PLCXD2: variants seen among roughly 807,000 people sequenced by gnomAD.
PLCXD2 encodes the protein PI-PLC X domain-containing protein 2.
PLCXD2 carries 21 observed loss-of-function variants against 28.6 expected under a neutral mutation model. The observed-to-expected ratio is 0.73, with a 90% CI of 0.52 to 1.06. The LOEUF is 1.06. PLCXD2 is among the 50% of genes least tolerant of loss of function. PLCXD2 has a pLI of 0.00. For synonymous variants in PLCXD2, 140 were observed against 150.1 expected, an observed-to-expected ratio of 0.93 and a Z score of 0.49; for missense variants, 369 against 376.7, an observed-to-expected ratio of 0.98 and a Z score of 0.17.
Position 111,707,994 on chromosome 3 carries a change from A to G in PLCXD2, c.232A>G (p.Ile78Val). ...AGTGGGGCCTGACCAAACCCAAGCT[A>G]TCAAACGCCTCGCCAGGATCTCCTT... The change falls in exon 2 of 5, where the codon ATC becomes GTC. Residue 78 changes from isoleucine (I) to valine (V), a missense_variant. Transcript: ENST00000477665. 6.2e-7 allele frequency: 1 copy of G among 1,614,170 alleles called. No homozygotes were observed. The highest frequency in any genetic ancestry group is 8.5e-7 in the Non-Finnish European group (1 of 1,180,026).
chr3:111,686,273 C>T (rs183413963), intron 1 of PLCXD2, among the ~76,000 whole-genome samples: 8 of 152,294 alleles, frequency 5.3e-5, no homozygotes, highest in African/African-American at 1.2e-4. Flanking sequence ...CAGGCTGTCT[C>T]TCCTCAGACA....
intron 1 of PLCXD2, among the ~76,000 whole-genome samples, chr3:111,695,522 A>G (rs1204231848): frequency 2.6e-5 from 4 of 152,252 alleles, no homozygotes; most frequent in Non-Finnish European, 5.9e-5. Context: ...GTTCCTGGAA[A>G]ACCAACACTG....
intron 2 of PLCXD2, among the ~76,000 whole-genome samples, chr3:111,710,087 C>T (rs1941179645): frequency 6.6e-6 from 1 of 152,158 alleles, no homozygotes; most frequent in Non-Finnish European, 1.5e-5. Context: ...GGATGAGTCC[C>T]AGGCTTGGCC....
chr3:111,707,459 C>A (rs1253967209), intron 1 of PLCXD2, among the ~76,000 whole-genome samples: 1 of 152,176 alleles, frequency 6.6e-6, no homozygotes, highest in Non-Finnish European at 1.5e-5. Context: ...AGTGGATATA[C>A]CACAACAAAG....
intron 2 of PLCXD2, 73 bp downstream of exon 2, chr3:111,708,459 G>A: frequency 1.5e-6 from 2 of 1,372,172 alleles, no homozygotes; most frequent in Non-Finnish European, 2.0e-6. Context: ...ATTGCCGTCT[G>A]TAAAATCACT....
chr3:111,674,868 C>T lies in PLCXD2; in HGVS notation c.-378C>T, dbSNP rs975981524. ...CCGGGCGCGCACCTGTGTATGGACC[C>T]GCAGGCATGTCTGTACACTGGGTGG... On this transcript the variant is annotated 5_prime_UTR_variant, in exon 1 of 5. Transcript: ENST00000477665. The T allele has an allele frequency of 5.2e-6, 1 of 190,730 alleles. No homozygotes were observed. Among genetic ancestry groups the T allele is most frequent in the Admixed American group, 6.0e-5 (1 of 16,706 alleles). The allele number at this position is 190,730 out of a possible 1,614,324, so 11.8% of individuals were successfully genotyped here.
At chr3:111,719,731 C>G (rs759963314) in intron 3 of PLCXD2, among the ~76,000 whole-genome samples, 1 of 152,134 alleles carries the variant, frequency 6.6e-6, no homozygotes, top group Admixed American at 6.5e-5. Flanking sequence ...TAGCTGTTGC[C>G]TCTGGGAGAA....
At chr3:111,691,244 A>T (rs1940872231) in intron 1 of PLCXD2, 1 of 152,266 alleles carries the variant, frequency 6.6e-6, no homozygotes, top group South Asian at 2.1e-4. Context: ...AATGATGAAT[A>T]GTCCTTCATA....
chr3:111,724,179 G>A (rs1394394437), intron 3 of PLCXD2: 1 of 152,170 alleles, frequency 6.6e-6, no homozygotes, highest in Non-Finnish European at 1.5e-5. Context: ...AAGGGAATAA[G>A]TTATTGAACA....
intron 3 of PLCXD2, among the ~76,000 whole-genome samples, chr3:111,719,354 C>A (rs1941315211): frequency 6.6e-6 from 1 of 152,034 alleles, no homozygotes; most frequent in Non-Finnish European, 1.5e-5. Flanking sequence ...TGACAGAAGA[C>A]CAGTATCTAG....
intron 1 of PLCXD2, among the ~76,000 whole-genome samples, chr3:111,697,346 C>T (rs747811171): frequency 6.6e-6 from 1 of 152,014 alleles, no homozygotes; most frequent in Non-Finnish European, 1.5e-5. Flanking sequence ...AAGCAAAAAG[C>T]CTCTGAATAA....
intron 1 of PLCXD2, among the ~76,000 whole-genome samples, chr3:111,676,136 T>C (rs1368691787): frequency 1.3e-5 from 2 of 152,240 alleles, no homozygotes; most frequent in East Asian, 3.8e-4. Context: ...AAATGTGTCC[T>C]CTTCCTTCCA....
intron 3 of PLCXD2, among the ~76,000 whole-genome samples, chr3:111,718,217 T>C (rs572895710): frequency 2.2e-4 from 33 of 152,076 alleles, no homozygotes; most frequent in African/African-American, 8.0e-4. Flanking sequence ...GTAATCCCAG[T>C]ACTTTGGGAG....
intron 1 of PLCXD2, among the ~76,000 whole-genome samples, chr3:111,686,030 G>C (rs758342725): frequency 6.6e-6 from 1 of 152,200 alleles, no homozygotes; most frequent in Non-Finnish European, 1.5e-5. Flanking sequence ...GCAGAGCAGG[G>C]AAGGTTTAGT....
intron 1 of PLCXD2, among the ~76,000 whole-genome samples, chr3:111,678,031 T>C (rs1349262553): frequency 2.0e-5 from 3 of 152,182 alleles, no homozygotes; most frequent in Non-Finnish European, 4.4e-5. Flanking sequence ...GGGTCAGATC[T>C]ATCAGGATGG....
intron 1 of PLCXD2, among the ~76,000 whole-genome samples, chr3:111,693,492 C>T (rs1020258841): frequency 6.6e-6 from 1 of 152,186 alleles, no homozygotes; most frequent in South Asian, 2.1e-4. Flanking sequence ...CTGCCTCATC[C>T]TTGCAAGTCA....
At chr3:111,693,642 G>A (rs780799307) in intron 1 of PLCXD2, among the ~76,000 whole-genome samples, 26 of 152,078 alleles carry the variant, frequency 1.7e-4, no homozygotes, top group Non-Finnish European at 3.2e-4. Flanking sequence ...ATTCTCCTTC[G>A]AATGCCCCCA....
chr3:111,715,606 C>T (rs1339118353), intron 3 of PLCXD2, among the ~76,000 whole-genome samples: 2 of 152,164 alleles, frequency 1.3e-5, no homozygotes, highest in Non-Finnish European at 2.9e-5. Context: ...TGGCTTTTTG[C>T]AGATGATTTC....
intron 3 of PLCXD2, among the ~76,000 whole-genome samples, chr3:111,719,488 C>G (rs954706492): frequency 7.9e-5 from 12 of 152,188 alleles, no homozygotes; most frequent in African/African-American, 2.7e-4. Context: ...GCCCAAGTGT[C>G]CATCCTGCCA....
Sources: allele counts gnomAD v4.1 joint callset (sites outside exome capture counted in the v4.1 genomes callset), GRCh38; gene constraint gnomAD v4.1.1; transcripts MANE v1.5; gene names NCBI Gene and HGNC (gene_info 2026-07-23, HGNC 2026-07-21).